COG4: variants seen among roughly 807,000 people sequenced by gnomAD.
The protein encoded by COG4 is component of oligomeric golgi complex 4.
COG4 carries 65 observed loss-of-function variants against 95.1 expected under a neutral mutation model. The observed-to-expected ratio is 0.68, with a 90% confidence interval of 0.56 to 0.84. The LOEUF is 0.84. COG4 is among the 40% of genes least tolerant of loss of function. The pLI is 0.00. For synonymous variants in COG4, 421 were observed against 374.8 expected (o/e 1.12, Z -1.42); for missense variants, 1,045 against 989.1 (o/e 1.06, Z -0.76).
intron 8 of COG4, among the ~76,000 whole-genome samples, chr16:70,506,627 A>AAAAAAAAT (rs1405431900): frequency 1.5e-5 from 2 of 137,248 alleles, no homozygotes; most frequent in Non-Finnish European, 3.1e-5. Context: ...ACAAAAAAAA[A>AAAAAAAAT]AACATTTAGC....
At chr16:70,504,306 CA>C (rs1399406282) in intron 8 of COG4, among the ~76,000 whole-genome samples, 14 of 151,970 alleles carry the variant, frequency 9.2e-5, no homozygotes, top group African/African-American at 2.9e-4. Context: ...CCCCACCTAA[CA>C]AAAAATTATC....
intron 12 of COG4, 58 bp from the exon 13 acceptor site, chr16:70,490,450 C>T: frequency 7.3e-7 from 1 of 1,374,968 alleles, no homozygotes; most frequent in Admixed American, 1.7e-5. Context: ...CCACCCACTC[C>T]AATGCCAGAC....
chr16:70,497,401 A>G lies in COG4; in HGVS notation c.1315-14T>C, dbSNP rs1310172705. ...CAGAGCCACAGCCTACCCAAAAGGC[A>G]AAGCCAACACTGAGGGTCCCAGTTG... is the stretch of plus-strand genomic sequence containing the variant. On this transcript the variant is annotated splice_polypyrimidine_tract_variant and intron_variant, in intron 10 of 18. Coordinates refer to ENST00000323786, the MANE Select transcript of COG4 (RefSeq NM_015386.3). The G allele has an allele frequency of 6.2e-7, 1 of 1,611,776 alleles. No homozygotes were observed. Among genetic ancestry groups the G allele is most frequent in the Non-Finnish European group, 8.5e-7 (1 of 1,179,966 alleles).
intron 13 of COG4, among the ~76,000 whole-genome samples, chr16:70,486,113 T>A (rs1196129706): frequency 6.6e-6 from 1 of 151,874 alleles, no homozygotes; most frequent in African/African-American, 2.4e-5. Context: ...GCCAGGATGG[T>A]CTCGATCTCC....
At chr16:70,489,187 A>G (rs548752994) in intron 13 of COG4, among the ~76,000 whole-genome samples, 1 of 151,184 alleles carries the variant, frequency 6.6e-6, no homozygotes, top group South Asian at 2.1e-4. Context: ...TTATACAGGG[A>G]TTTGTCATTT....
rs999037717 is a variant in COG4 at position 70,522,831 on chromosome 16, C to G, written c.171+542G>C. Among the ~76,000 whole-genome samples the G allele has an allele frequency of 5.3e-5, 8 of 152,228 alleles. No individual in the cohort carries two copies. In the East Asian group the frequency reaches 1.5e-3, roughly 29 times the overall value. On this transcript the variant is annotated intron_variant, in intron 1 of 18. Coordinates refer to ENST00000323786, the MANE Select transcript of COG4 (RefSeq NM_015386.3). ...GGTACCAGAGATGAAGTGACTTGTC[C>G]AAGATTAGAGAATTGTGTCTGAGTC...
At chr16:70,491,285 C>T (rs564543003) in intron 12 of COG4, among the ~76,000 whole-genome samples, 2 of 151,940 alleles carry the variant, frequency 1.3e-5, no homozygotes, top group East Asian at 2.0e-4. Context: ...AAGGCCAAGG[C>T]GGGTGGATCA....
intron 1 of COG4, among the ~76,000 whole-genome samples, chr16:70,520,042 A>C (rs568365263): frequency 1.3e-5 from 2 of 152,192 alleles, no homozygotes; most frequent in East Asian, 1.9e-4. Context: ...CTGGATCCCA[A>C]AGTAATCCCA....
intron 8 of COG4, among the ~76,000 whole-genome samples, chr16:70,505,202 T>TC (rs2049537140): frequency 6.7e-6 from 1 of 148,170 alleles, no homozygotes; most frequent in African/African-American, 2.5e-5. Context: ...ATTTTCTTTT[T>TC]TTTTTTTTTT....
intron 13 of COG4, among the ~76,000 whole-genome samples, chr16:70,486,109 A>G (rs1003788465): frequency 6.0e-5 from 9 of 150,236 alleles, no homozygotes; most frequent in Admixed American, 1.3e-4. Context: ...GTTAGCCAGG[A>G]TGGTCTCGAT....
In COG4 at chr16:70,497,883, C is replaced by T. The variant is rs566885588; in HGVS notation, c.1314+54G>A. 3.9e-6 allele frequency: 4 copies of T among 1,020,776 alleles called. No homozygotes were observed. The African/African-American group carries it at 4.7e-5, about 12-fold the overall frequency. 63.2% of individuals were successfully genotyped at this position (1,020,776 alleles called of 1,614,324 possible). On this transcript the variant is annotated intron_variant, in intron 10 of 18. Coordinates refer to ENST00000323786, the MANE Select transcript of COG4 (RefSeq NM_015386.3). ...GACATGCCTCAGCCATTTCCCTCAG[C>T]CTGGCTTCTTGGACCGGAAGCCCCA...
At chr16:70,522,716 A>G (rs1597698342) in intron 1 of COG4, among the ~76,000 whole-genome samples, 1 of 152,202 alleles carries the variant, frequency 6.6e-6, no homozygotes, top group African/African-American at 2.4e-5. Context: ...TCGAGTTGCC[A>G]CTGAAAATTA....
At chr16:70,496,542 G>T in intron 11 of COG4, 111 bp from the exon 12 acceptor site, 1 of 1,079,444 alleles carries the variant, frequency 9.3e-7, no homozygotes, top group Non-Finnish European at 1.4e-6. Flanking sequence ...CTTTTAGGGG[G>T]AATAACCAGT....
chr16:70,514,360 A>G lies in COG4; in HGVS notation c.519T>C (p.Ile173=). ...HRYLCLDKSV[I]ELSRQGKEGS... is the part of the protein sequence containing the mutation. ...CCTCTTTGCCCTGTCGGCTGAGCTC[A>G]ATGACCGACTTGTCCAGGCACAAGT... The change falls in exon 4 of 19, where the codon ATT becomes ATC. Residue 173 remains isoleucine, a synonymous_variant. Transcript: ENST00000323786. The G allele has an allele frequency of 1.2e-6, 2 of 1,614,212 alleles. No individual in the cohort carries two copies. The highest frequency in any genetic ancestry group is 8.5e-7 in the Non-Finnish European group (1 of 1,180,034).
At position 70,482,784 on chromosome 16, in the gene COG4, G is replaced by A; in HGVS notation, c.1865C>T (p.Pro622Leu). 1 of 1,613,900 alleles carries A rather than the reference G, an allele frequency of 6.2e-7. No individual in the cohort carries two copies. Among genetic ancestry groups the A allele is most frequent in the Middle Eastern group, 1.6e-4 (1 of 6,062 alleles). Reference sequence around the variant, plus strand: ...GCTGTTGATCCAAGGCTGCACCTGTGGCTTGATGGCTGTGCTGTTGAGCTC... The same window carrying A: ...GCTGTTGATCCAAGGCTGCACCTGTAGCTTGATGGCTGTGCTGTTGAGCTC... Reference protein sequence around the residue: ...LTELNSTAIKPQVQPWINSFF... With the variant: ...LTELNSTAIKLQVQPWINSFF... Residue 622 changes from proline to leucine, a missense_variant, in exon 15 of 19, where the codon CCA becomes CTA. Physicochemically the swap from Pro to Leu is moderately conservative, Grantham distance 98. Transcript: ENST00000323786.
rs2048975392 is a variant in COG4, at chr16:70,480,905, T to A, written c.*105A>T. 6 of 1,363,750 alleles carry A rather than the reference T, an allele frequency of 4.4e-6. No homozygotes were observed. The Admixed American group carries it at 8.5e-5, about 19-fold the overall frequency. The allele number at this position is 1,363,750 out of a possible 1,614,324, so 84.5% of individuals were successfully genotyped here. A position where few individuals can be genotyped will look rare whatever the true frequency, so the allele number is the denominator to read the frequency against. On this transcript the variant is annotated 3_prime_UTR_variant, in exon 19 of 19. Transcript: ENST00000323786. The stretch of plus-strand genomic sequence containing the variant: ...CTGCCAGCCGTAGAAAGGTCTGGGC[T>A]GTCAGATCTCCCCCAAGCCAGACAG...
At chr16:70,481,990 G>A in intron 16 of COG4, 102 bp downstream of exon 16, 2 of 1,336,296 alleles carry the variant, frequency 1.5e-6, no homozygotes, top group Non-Finnish European at 2.2e-6. Flanking sequence ...GGGTTGGAAG[G>A]GCTTTCAGGG....
rs201649488 is a variant in COG4 at position 70,481,140 on chromosome 16, G to A, written c.2240C>T (p.Thr747Ile). 4 of 1,613,242 alleles carry A rather than the reference G, an allele frequency of 2.5e-6. No individual in the cohort carries two copies. The highest frequency in any genetic ancestry group is 3.4e-6 in the Non-Finnish European group (4 of 1,179,944). ...GGGTCCCCAGTAATCGAGGATCTCG[G>A]TCACCTGTGGGGAAGGACATAGAGA... ...MATILNLERVTEILDYWGPNS... is the reference protein window; with the variant it reads ...MATILNLERVIEILDYWGPNS... Residue 747 changes from threonine to isoleucine, a missense_variant, in exon 19 of 19, where the codon ACC becomes ATC. Physicochemically the swap from Thr to Ile is moderately conservative, Grantham distance 89. Coordinates refer to ENST00000323786, the MANE Select transcript of COG4 (RefSeq NM_015386.3).
chr16:70,501,301 A>T, intron 8 of COG4: 1 of 583,912 alleles, frequency 1.7e-6, no homozygotes, highest in Non-Finnish European at 3.0e-6. Flanking sequence ...TAAATCATTC[A>T]CTCCCTAAAA....
Sources: gnomAD v4.1 joint callset for allele counts (sites outside exome capture counted in the v4.1 genomes callset) on GRCh38, gnomAD v4.1.1 for gene constraint, MANE v1.5 for transcripts, NCBI Gene and HGNC (gene_info 2026-07-23, HGNC 2026-07-21) for gene names.